The following LAMC3 variants were observed in gnomAD, a reference collection of about 807,000 sequenced individuals.
LAMC3 encodes the protein laminin subunit gamma-3.
LAMC3 carries 128 observed loss-of-function variants against 173.8 expected under a neutral mutation model. The observed-to-expected ratio is 0.74, with a 90% CI of 0.64 to 0.85. The LOEUF (loss-of-function observed/expected upper bound fraction) is 0.85. Ranked by LOEUF, LAMC3 falls within the 40% of genes least tolerant of loss-of-function variation. The pLI is 0.00. For missense variants in LAMC3, 2,022 were observed against 2,156.0 expected (o/e 0.94, Z 1.23); for synonymous variants, 897 against 909.1 (o/e 0.99, Z 0.24).
intron 27 of LAMC3, among the ~76,000 whole-genome samples, 179 bp downstream of exon 27, chr9:131,087,996 T>G (rs1396413739): frequency 1.3e-5 from 2 of 152,224 alleles, no homozygotes; most frequent in African/African-American, 2.4e-5. Context: ...CCCCTTGCCA[T>G]GTGGGACAGG....
chr9:131,052,137 A>ATGC (rs1344057473), intron 9 of LAMC3, among the ~76,000 whole-genome samples: 2 of 152,170 alleles, frequency 1.3e-5, no homozygotes, highest in Non-Finnish European at 2.9e-5. Context: ...GGCATCGTGA[A>ATGC]TGCTACACAT....
At position 131,053,450 on chromosome 9, in the gene LAMC3, T is replaced by C. The variant is rs1834338731; in HGVS notation, c.1939+485T>C. The stretch of plus-strand genomic sequence containing the variant: ...AGCCATCACACATCATTGATGGGGG[T>C]CTGTCACCACCTCCCACCCTGGTCA... On this transcript the variant is annotated intron_variant, in intron 11 of 27. Coordinates refer to ENST00000361069, the MANE Select transcript of LAMC3 (RefSeq NM_006059.4). Among the ~76,000 whole-genome samples the C allele has an allele frequency of 2.0e-5, 3 of 152,106 alleles. No homozygotes were observed. The South Asian group carries it at 6.2e-4, about 32-fold the overall frequency.
chr9:131,028,368 C>T (rs1399365595), intron 2 of LAMC3, among the ~76,000 whole-genome samples: 1 of 152,334 alleles, frequency 6.6e-6, no homozygotes, highest in East Asian at 1.9e-4. Flanking sequence ...TGTCCAAACC[C>T]AGGGAACCTG....
At chr9:131,078,014 T>C (rs1588167492) in intron 22 of LAMC3, among the ~76,000 whole-genome samples, 1 of 152,130 alleles carries the variant, frequency 6.6e-6, no homozygotes, top group African/African-American at 2.4e-5. Context: ...CACATAGAAC[T>C]CACCCATTAG....
intron 25 of LAMC3, 156 bp downstream of exon 25, chr9:131,085,879 T>C (rs1830324110): frequency 1.4e-6 from 1 of 740,596 alleles, no homozygotes; most frequent in Non-Finnish European, 2.4e-6. Context: ...GGGGTGAGTC[T>C]GTGGGTTCCT....
intron 17 of LAMC3, 85 bp downstream of exon 17, chr9:131,069,935 C>G (rs1830011535): frequency 7.3e-7 from 1 of 1,362,014 alleles, no homozygotes; most frequent in Non-Finnish European, 1.0e-6. Context: ...CAGGAACTGC[C>G]TGCTTACCCC....
chr9:131,049,129 A>G lies in LAMC3; in HGVS notation c.1629A>G (p.Pro543=). ...AAGACGAGGAGGAGCTCACAGCACC[A>G]GGTACCTCCAGCACCAGGTGGGGGC... ...SPEDEEELTA[P]EKFLGDQRFS... Residue 543 remains proline, a splice_region_variant and synonymous_variant, in exon 9 of 28, where the codon CCA becomes CCG. Transcript: ENST00000361069. 2 of 1,535,688 alleles carry G rather than the reference A, an allele frequency of 1.3e-6. No individual in the cohort carries two copies. The highest frequency in any genetic ancestry group is 1.8e-6 in the Non-Finnish European group (2 of 1,132,328).
chr9:131,087,335 C>A, intron 25 of LAMC3, 141 bp from the exon 26 acceptor site: 2 of 1,085,314 alleles, frequency 1.8e-6, no homozygotes, highest in Non-Finnish European at 2.9e-6. Flanking sequence ...GCATTCAGTA[C>A]ATATTTGTTG....
At chr9:131,059,161 A>G (rs1426244875) in intron 12 of LAMC3, among the ~76,000 whole-genome samples, 1 of 151,190 alleles carries the variant, frequency 6.6e-6, no homozygotes, top group Non-Finnish European at 1.5e-5. Flanking sequence ...GCGCCGCTGC[A>G]CTCTGGCCTG....
intron 24 of LAMC3, 80 bp downstream of exon 24, chr9:131,082,241 C>A (rs1272180522): frequency 9.5e-7 from 1 of 1,047,136 alleles, no homozygotes; most frequent in Non-Finnish European, 1.5e-6. Flanking sequence ...TCAGCCAGGG[C>A]AGGCTTGCAG....
Position 131,057,145 on chromosome 9 carries a change from C to T in LAMC3, c.2156C>T (p.Thr719Ile). The change falls in exon 12 of 28, where the codon ACA becomes ATA. Residue 719 changes from threonine to isoleucine, a missense_variant and splice_region_variant. By Grantham distance (89) the Thr-to-Ile change is moderately conservative. Coordinates refer to ENST00000361069, the MANE Select transcript of LAMC3 (RefSeq NM_006059.4). ...CAGCATGGCACCTGTGACCCCAACA[C>T]AGGTGAGTCTCCTGGCACCCCATCC... The part of the protein sequence containing the change: ...CNQHGTCDPN[T>I]GICVCSHHTE... 6.2e-7 allele frequency: 1 copy of T among 1,613,524 alleles called. No homozygotes were observed. The highest frequency in any genetic ancestry group is 1.1e-5 in the South Asian group (1 of 91,066).
rs368673815 is a variant in LAMC3 at position 131,079,211 on chromosome 9, A to G, written c.3840A>G (p.Ala1280=). 2.5e-6 allele frequency: 4 copies of G among 1,614,160 alleles called. No homozygotes were observed. Among genetic ancestry groups the G allele is most frequent in the Non-Finnish European group, 3.4e-6 (4 of 1,180,004 alleles). Residue 1280 remains alanine, a synonymous_variant, in exon 23 of 28, where the codon GCA becomes GCG. Transcript: ENST00000361069. ...LKAKALEKTV[A]SWQHMATEAA... ...CGAAGGCCCTGGAGAAGACAGTTGC[A>G]TCATGGCAGCACATGGCCACTGAGG... is the stretch of plus-strand genomic sequence containing the variant.
At chr9:131,031,123 C>T (rs564453417) in intron 2 of LAMC3, among the ~76,000 whole-genome samples, 46 of 152,336 alleles carry the variant, frequency 3.0e-4, no homozygotes, top group African/African-American at 1.0e-3. Flanking sequence ...GCAGGAGGGC[C>T]GTCGGCCTGA....
chr9:131,036,422 T>G, intron 4 of LAMC3, 90 bp downstream of exon 4: 1 of 1,474,984 alleles, frequency 6.8e-7, no homozygotes, highest in Non-Finnish European at 9.3e-7. Flanking sequence ...TGGTGGGGGC[T>G]GCTCCTGGGT....
At chr9:131,020,329 G>T (rs1833603753) in intron 1 of LAMC3, among the ~76,000 whole-genome samples, 1 of 152,160 alleles carries the variant, frequency 6.6e-6, no homozygotes, top group African/African-American at 2.4e-5. Context: ...TGGGTGTGGT[G>T]ACTCCCTATA....
At chr9:131,060,144 C>T (rs1280117419) in intron 12 of LAMC3, among the ~76,000 whole-genome samples, 2 of 152,268 alleles carry the variant, frequency 1.3e-5, no homozygotes, top group South Asian at 2.1e-4. Context: ...GGTTCCCTCC[C>T]CTGAGACTAG....
At chr9:131,043,595 G>T (rs1834095535) in intron 7 of LAMC3, among the ~76,000 whole-genome samples, 1 of 152,172 alleles carries the variant, frequency 6.6e-6, no homozygotes, top group African/African-American at 2.4e-5. Flanking sequence ...ATAACCCAGA[G>T]AATAAAGTCA....
rs186938977 is a variant in LAMC3, at chr9:131,034,444, G to A, written c.810-1722G>A. ...GCTATCAGCTAAAGCACCTGGAGCC[G>A]CAACAGCGGTTGGTGATTCGTCAAC... On this transcript the variant is annotated intron_variant, in intron 3 of 27. Transcript: ENST00000361069. 8.3e-4 allele frequency among the ~76,000 whole-genome samples: 126 copies of A among 152,382 alleles called. 3 individuals are homozygous for A. The highest frequency in any genetic ancestry group is 8.1e-4 in the Non-Finnish European group (55 of 68,030).
chr9:131,070,464 G>A (rs1830020563), intron 17 of LAMC3, among the ~76,000 whole-genome samples: 1 of 152,234 alleles, frequency 6.6e-6, no homozygotes, highest in African/African-American at 2.4e-5. Context: ...TGTAATCCCA[G>A]CACTTTGGGA....
Sources: gnomAD v4.1 joint callset for allele counts (sites outside exome capture counted in the v4.1 genomes callset) on GRCh38, gnomAD v4.1.1 for gene constraint, MANE v1.5 for transcripts, NCBI Gene and HGNC (gene_info 2026-07-23, HGNC 2026-07-21) for gene names.